PCDHGA3: variants seen among roughly 807,000 people sequenced by gnomAD.
The protein encoded by PCDHGA3 is protocadherin gamma-A3.
In PCDHGA3, 40 loss-of-function variants were observed where a neutral mutation model predicts 58.5. The observed-to-expected ratio is 0.68, with a 90% CI of 0.53 to 0.89. The LOEUF (loss-of-function observed/expected upper bound fraction) is 0.89, where lower values mean the gene tolerates loss of function less well. Ranked by LOEUF, PCDHGA3 falls within the 40% of genes least tolerant of loss-of-function variation. PCDHGA3 has a pLI of 0.00. For synonymous variants in PCDHGA3, 530 were observed against 525.7 expected, an observed-to-expected ratio of 1.01 and a Z score of -0.11; for missense variants, 1,223 against 1,195.9, an observed-to-expected ratio of 1.02 and a Z score of -0.33.
At chr5:141,465,229 A>G (rs1010075158) in intron 1 of PCDHGA3, among the ~76,000 whole-genome samples, 6 of 152,208 alleles carry the variant, frequency 3.9e-5, no homozygotes, top group Non-Finnish European at 2.9e-5. Flanking sequence ...CATGAGCTCC[A>G]TCAAGTTCAA....
intron 1 of PCDHGA3, chr5:141,427,892 C>A (rs752723370): frequency 9.9e-5 from 155 of 1,567,044 alleles, no homozygotes; most frequent in Non-Finnish European, 1.3e-4. Context: ...ACGACCAGGG[C>A]TCGCCCGCGC....
intron 1 of PCDHGA3, among the ~76,000 whole-genome samples, chr5:141,424,973 G>A (rs2096851520): frequency 6.6e-6 from 1 of 152,108 alleles, no homozygotes; most frequent in African/African-American, 2.4e-5. Flanking sequence ...AAATTACTTG[G>A]ATATTTATGT....
rs1210809217 is a variant in PCDHGA3 at position 141,432,990 on chromosome 5, A to G, written c.2425-61817A>G. The G allele has an allele frequency of 6.2e-7, 1 of 1,614,152 alleles. No individual in the cohort carries two copies. The highest frequency in any genetic ancestry group is 1.7e-5 in the Admixed American group (1 of 60,022). ...CCGGCGTCGCACTTTGTGGGCGTGGACGGGGTGCAGGCTTTCCTGCAGACC... is the reference window on the plus strand; with the variant it reads ...CCGGCGTCGCACTTTGTGGGCGTGGGCGGGGTGCAGGCTTTCCTGCAGACC... On this transcript the variant is annotated intron_variant, in intron 1 of 3. Transcript: ENST00000253812. This position sits in a 1 kb window ranked among gnomAD's most constrained non-coding sequence, Gnocchi z 6.0.
intron 1 of PCDHGA3, among the ~76,000 whole-genome samples, chr5:141,386,699 G>A (rs2150319335): frequency 6.6e-6 from 1 of 152,226 alleles, no homozygotes; most frequent in Non-Finnish European, 1.5e-5. Context: ...TGGGGTAGAA[G>A]ACAATGTTGC....
chr5:141,438,152 G>A (rs184819165), intron 1 of PCDHGA3, among the ~76,000 whole-genome samples: 1 of 152,250 alleles, frequency 6.6e-6, no homozygotes, highest in African/African-American at 2.4e-5. Flanking sequence ...CCAGCCTATG[G>A]CAAAGCTAAT....
intron 1 of PCDHGA3, among the ~76,000 whole-genome samples, chr5:141,463,518 G>T (rs537466389): frequency 7.2e-6 from 1 of 139,068 alleles, no homozygotes; most frequent in African/African-American, 2.8e-5. Context: ...GCGTGATCTC[G>T]GCTTACTAGA....
intron 1 of PCDHGA3, chr5:141,372,888 T>C: frequency 8.5e-7 from 1 of 1,177,756 alleles, no homozygotes; most frequent in South Asian, 1.6e-5. Context: ...AGAATACAGA[T>C]TAAATATTCC....
At position 141,490,341 on chromosome 5, in the gene PCDHGA3, A is replaced by C. The variant is rs778299384; in HGVS notation, c.2425-4466A>C. ...TCCTAGAGAGCACACCAGTGGGCACAGTAGTGGGGTTGTTTAATGTGCGAG... is the reference window on the plus strand; with the variant it reads ...TCCTAGAGAGCACACCAGTGGGCACCGTAGTGGGGTTGTTTAATGTGCGAG... On this transcript the variant is annotated intron_variant, in intron 1 of 3. Coordinates refer to ENST00000253812, the MANE Select transcript of PCDHGA3 (RefSeq NM_018916.4). This position sits in a 1 kb window ranked among gnomAD's most constrained non-coding sequence, Gnocchi z 5.4. The C allele has an allele frequency of 5.0e-6, 8 of 1,614,204 alleles. No homozygotes were observed. The South Asian group carries it at 8.8e-5, about 18-fold the overall frequency.
intron 1 of PCDHGA3, chr5:141,370,863 G>A (rs755596039): frequency 6.2e-7 from 1 of 1,614,050 alleles, no homozygotes; most frequent in Non-Finnish European, 8.5e-7. Context: ...CCTGGAATCT[G>A]CGCAAGATCC....
chr5:141,366,798 T>C, intron 1 of PCDHGA3: 1 of 1,567,294 alleles, frequency 6.4e-7, no homozygotes, highest in Non-Finnish European at 8.7e-7. Context: ...TTTCATTTGT[T>C]TCCTTTTTCA....
rs1297241942 is a variant in PCDHGA3 at position 141,344,662 on chromosome 5, T to C, written c.629T>C (p.Leu210Pro). The C allele has an allele frequency of 6.2e-7, 1 of 1,613,880 alleles. No individual in the cohort carries two copies. Among genetic ancestry groups the C allele is most frequent in the African/African-American group, 1.3e-5 (1 of 74,920 alleles). ...LDREKKEIHQ[L>P]VLVASDGGDP... ...CGTGAGAAAAAAGAAATTCACCAGC[T>C]TGTCCTGGTTGCCTCTGATGGTGGC... Residue 210 changes from leucine (L) to proline (P), a missense_variant, in exon 1 of 4, where the codon CTT becomes CCT. Coordinates refer to ENST00000253812, the MANE Select transcript of PCDHGA3 (RefSeq NM_018916.4).
chr5:141,384,465 T>C, intron 1 of PCDHGA3: 2 of 1,614,118 alleles, frequency 1.2e-6, no homozygotes, highest in Non-Finnish European at 1.7e-6. Flanking sequence ...CCTTTGATTA[T>C]GAGCAGTTGA....
Position 141,384,336 on chromosome 5 carries a change from C to T in PCDHGA3, c.2424+37879C>T, listed in dbSNP as rs1779973302. On this transcript the variant is annotated intron_variant, in intron 1 of 3. Transcript: ENST00000253812. ...TTTTCTTAGTGACTGCACAGGACCA[C>T]GACAGTGAGGATAATGCCCAGATCA... 9 of 1,613,748 alleles carry T rather than the reference C, an allele frequency of 5.6e-6. No homozygotes were observed. The East Asian group carries it at 1.1e-4, about 20-fold the overall frequency.
intron 1 of PCDHGA3, chr5:141,418,454 A>G (rs1211470387): frequency 3.1e-6 from 5 of 1,613,774 alleles, no homozygotes; most frequent in Non-Finnish European, 3.4e-6. Flanking sequence ...ATTGCAGAAG[A>G]CTCTGGACCG....
chr5:141,420,044 T>C lies in PCDHGA3; in HGVS notation c.2424+73587T>C, dbSNP rs769790599. 1.7e-5 allele frequency: 27 copies of C among 1,613,934 alleles called. No individual in the cohort carries two copies. In the East Asian group the frequency reaches 6.0e-4, roughly 36 times the overall value. On this transcript the variant is annotated intron_variant, in intron 1 of 3. Coordinates refer to ENST00000253812, the MANE Select transcript of PCDHGA3 (RefSeq NM_018916.4). ...CCCTACTGCAGGAGACTGCTTTGAG[T>C]CAGTTCTCTGCTCCAAGTCCGGACC...
chr5:141,381,826 C>CTTTTTTTTTTT (rs770630741), intron 1 of PCDHGA3, among the ~76,000 whole-genome samples: 13 of 74,276 alleles, frequency 1.8e-4, no homozygotes, highest in South Asian at 5.1e-4. Flanking sequence ...CTTTCTTCTT[C>CTTTTTTTTTTT]TTTTTTTTTT....
chr5:141,376,178 G>A (rs1249141559), intron 1 of PCDHGA3: 1 of 1,614,106 alleles, frequency 6.2e-7, no homozygotes, highest in Non-Finnish European at 8.5e-7. Context: ...GGCGGTGGCC[G>A]CGGTCTCCTG....
intron 1 of PCDHGA3, chr5:141,374,245 G>C: frequency 2.5e-6 from 4 of 1,613,980 alleles, no homozygotes; most frequent in Non-Finnish European, 3.4e-6. Flanking sequence ...ATCTGGGACT[G>C]GAGCCCCAGG....
chr5:141,446,455 T>G (rs1347586383), intron 1 of PCDHGA3, among the ~76,000 whole-genome samples: 1 of 151,858 alleles, frequency 6.6e-6, no homozygotes, highest in Non-Finnish European at 1.5e-5. Context: ...AGATATTCAG[T>G]GTGTGATTAG....
Sources: gnomAD v4.1 joint callset for allele counts (sites outside exome capture counted in the v4.1 genomes callset) on GRCh38, gnomAD v4.1.1 for gene constraint, Gnocchi (gnomAD v3.1) non-coding constraint, MANE v1.5 for transcripts, NCBI Gene and HGNC (gene_info 2026-07-23, HGNC 2026-07-21) for gene names.